Variants in THADA observed in about 807,000 individuals in gnomAD.
THADA encodes tRNA (32-2'-O)-methyltransferase regulator THADA.
In THADA, 213 loss-of-function variants were observed where a neutral mutation model predicts 219.8. That is an observed-to-expected ratio of 0.97 (90% CI 0.87 to 1.09). The LOEUF (loss-of-function observed/expected upper bound fraction) is 1.09. Ranked by LOEUF, THADA falls within the 50% of genes least tolerant of loss-of-function variation. The probability of loss-of-function intolerance (pLI) is 0.00; values close to 1 mark genes in which losing one functional copy is unlikely to be tolerated. For missense variants in THADA, 2,956 were observed against 2,311.3 expected, an observed-to-expected ratio of 1.28 and a Z score of -5.72; for synonymous variants, 1,018 against 828.9, an observed-to-expected ratio of 1.23 and a Z score of -3.92.
intron 30 of THADA, among the ~76,000 whole-genome samples, chr2:43,336,157 G>A (rs1666404635): frequency 6.6e-6 from 1 of 152,054 alleles, no homozygotes; most frequent in African/African-American, 2.4e-5. Context: ...TTACTTGGGA[G>A]CTGAGGTGAG....
At chr2:43,520,921 A>G (rs1441532899) in intron 22 of THADA, among the ~76,000 whole-genome samples, 3 of 137,490 alleles carry the variant, frequency 2.2e-5, no homozygotes, top group South Asian at 2.5e-4. Flanking sequence ...GGGAGGGAAG[A>G]AAAAAGAAAG....
chr2:43,262,927 C>T (rs977059710), intron 36 of THADA, among the ~76,000 whole-genome samples: 6 of 152,182 alleles, frequency 3.9e-5, no homozygotes, highest in Non-Finnish European at 1.5e-5. Context: ...TTGAGACTGG[C>T]GTCCCCTCCC....
chr2:43,520,713 T>TATATATATATACACACACACAC (rs1218079783), intron 22 of THADA, among the ~76,000 whole-genome samples: 1 of 125,050 alleles, frequency 8.0e-6, no homozygotes, highest in African/African-American at 3.0e-5. Flanking sequence ...TATATATATA[T>TATATATATATACACACACACAC]ACACACACAC....
At chr2:43,556,783 G>C (rs1255497468) in intron 16 of THADA, among the ~76,000 whole-genome samples, 1 of 152,050 alleles carries the variant, frequency 6.6e-6, no homozygotes, top group African/African-American at 2.4e-5. Context: ...AAAAAACACA[G>C]GCTTGGTGCA....
intron 17 of THADA, among the ~76,000 whole-genome samples, chr2:43,555,793 C>G (rs977455078): frequency 1.3e-5 from 2 of 152,076 alleles, no homozygotes; most frequent in African/African-American, 4.8e-5. Context: ...AAAAAAAAAT[C>G]CTTATCTGTC....
chr2:43,301,827 G>A (rs1020831341), intron 31 of THADA, among the ~76,000 whole-genome samples: 6 of 152,158 alleles, frequency 3.9e-5, no homozygotes, highest in Non-Finnish European at 8.8e-5. Context: ...CCCACTGCAG[G>A]TAGAGTTCGT....
chr2:43,342,435 T>C (rs1482563184), intron 30 of THADA, among the ~76,000 whole-genome samples: 2 of 152,218 alleles, frequency 1.3e-5, no homozygotes, highest in Non-Finnish European at 2.9e-5. Flanking sequence ...CCTGGGCATA[T>C]TTCCTGAGCC....
chr2:43,498,782 C>A, intron 25 of THADA, 51 bp downstream of exon 25: 1 of 1,571,114 alleles, frequency 6.4e-7, no homozygotes, highest in Non-Finnish European at 8.6e-7. Context: ...TTATTAAAAC[C>A]TACTCAGAAG....
At chr2:43,438,833 T>C (rs1276702380) in intron 26 of THADA, among the ~76,000 whole-genome samples, 3 of 152,114 alleles carry the variant, frequency 2.0e-5, no homozygotes, top group Non-Finnish European at 4.4e-5. Flanking sequence ...ATTTATAAAT[T>C]AGGCAAAGTA....
chr2:43,445,004 C>T (rs902963792), intron 26 of THADA, among the ~76,000 whole-genome samples: 11 of 152,128 alleles, frequency 7.2e-5, no homozygotes, highest in African/African-American at 2.7e-4. Flanking sequence ...ATGCTGAAGG[C>T]CAAAGCCTGG....
In THADA at chr2:43,297,846, G is replaced by A. The variant is rs1490059998; in HGVS notation, c.4439-4633C>T. Among the ~76,000 whole-genome samples the A allele has an allele frequency of 8.5e-5, 10 of 117,086 alleles. 1 individual carries two copies. The highest frequency in any genetic ancestry group is 4.6e-4 in the East Asian group (2 of 4,302). The allele number at this position is 117,086 out of a possible 152,430, so 76.8% of individuals were successfully genotyped here. Reference sequence around the variant, plus strand: ...TGGGGGGGGATCAGCCCCCCCGCCCGGCCAGCCGCCCCGTCCGGGAGGTGA... The same window carrying A: ...TGGGGGGGGATCAGCCCCCCCGCCCAGCCAGCCGCCCCGTCCGGGAGGTGA... On this transcript the variant is annotated intron_variant, in intron 31 of 37. Coordinates refer to ENST00000405975, the MANE Select transcript of THADA (RefSeq NM_022065.5).
At chr2:43,461,065 C>G (rs976569471) in intron 26 of THADA, among the ~76,000 whole-genome samples, 1 of 152,144 alleles carries the variant, frequency 6.6e-6, no homozygotes, top group Admixed American at 6.5e-5. Flanking sequence ...GAGCAAAAAC[C>G]TCTCGTAGAA....
At chr2:43,555,306 A>T (rs555815176) in intron 17 of THADA, among the ~76,000 whole-genome samples, 97 of 151,728 alleles carry the variant, frequency 6.4e-4, no homozygotes, top group African/African-American at 2.3e-3. Flanking sequence ...CAAAGATATG[A>T]GTGTTATTGT....
At position 43,293,155 on chromosome 2, in the gene THADA, C is replaced by T; in HGVS notation, c.4497G>A (p.Leu1499=). Residue 1499 remains leucine, a synonymous_variant, in exon 32 of 38, where the codon CTG becomes CTA. Transcript: ENST00000405975. ...TGAAGGCCCAAGGGAATCCCGTTAT[C>T]AGCTCTGATCCTGAGATAATCCCTC... is the stretch of plus-strand genomic sequence containing the variant. The part of the protein sequence containing the change: ...EVRGIISGSE[L]ITGFPWAFKV... 1 of 1,613,996 alleles carries T rather than the reference C, an allele frequency of 6.2e-7. No individual in the cohort carries two copies. The highest frequency in any genetic ancestry group is 1.6e-4 in the Middle Eastern group (1 of 6,062).
intron 29 of THADA, among the ~76,000 whole-genome samples, chr2:43,386,323 T>A (rs1300104185): frequency 6.8e-6 from 1 of 147,606 alleles, no homozygotes; most frequent in Non-Finnish European, 1.5e-5. Flanking sequence ...TTAACTTATG[T>A]TTTTTTTTTC....
At chr2:43,269,813 C>T (rs575345799) in intron 36 of THADA, among the ~76,000 whole-genome samples, 3 of 152,330 alleles carry the variant, frequency 2.0e-5, no homozygotes, top group Admixed American at 2.0e-4. Context: ...CCCTGCAGCC[C>T]CACTGACAAT....
At chr2:43,560,186 G>C in intron 16 of THADA, 48 bp downstream of exon 16, 2 of 1,522,954 alleles carry the variant, frequency 1.3e-6, no homozygotes, top group South Asian at 1.3e-5. Context: ...TCTGCTGATA[G>C]AAAGTTTCCA....
rs571060494 is a variant in THADA at position 43,415,224 on chromosome 2, A to G, written c.4058+12876T>C. 4.6e-5 allele frequency among the ~76,000 whole-genome samples: 7 copies of G among 152,346 alleles called. No individual in the cohort carries two copies. The South Asian group carries it at 1.4e-3, about 32-fold the overall frequency. On this transcript the variant is annotated intron_variant, in intron 28 of 37. Coordinates refer to ENST00000405975, the MANE Select transcript of THADA (RefSeq NM_022065.5). Reference sequence around the variant, plus strand: ...TAGAAGGGATCAAAACCATATACTAAAAGAATGAAAATCTACAAGGTTTAG... The same window carrying G: ...TAGAAGGGATCAAAACCATATACTAGAAGAATGAAAATCTACAAGGTTTAG...
chr2:43,308,889 G>A (rs755269110), intron 31 of THADA, among the ~76,000 whole-genome samples: 1 of 151,992 alleles, frequency 6.6e-6, no homozygotes, highest in East Asian at 1.9e-4. Flanking sequence ...AGTTTTGAGG[G>A]AGCATCTTTG....
Sources: gnomAD v4.1 joint callset for allele counts (sites outside exome capture counted in the v4.1 genomes callset) on GRCh38, gnomAD v4.1.1 for gene constraint, MANE v1.5 for transcripts, NCBI Gene and HGNC (gene_info 2026-07-23, HGNC 2026-07-21) for gene names.